The following TM9SF3 variants were observed in gnomAD, a reference collection of about 807,000 sequenced individuals.
The protein encoded by TM9SF3 is SM-11044-binding protein.
In TM9SF3, 14 loss-of-function variants were observed where a neutral mutation model predicts 78.6. The ratio of observed to expected loss-of-function variants is 0.18; its 90% CI spans 0.12 to 0.28. TM9SF3 has a LOEUF of 0.28. Among genes scored for constraint, TM9SF3 ranks in the 10% least tolerant of loss-of-function variants. The probability of loss-of-function intolerance (pLI) is 1.00; values close to 1 mark genes in which losing one functional copy is unlikely to be tolerated. For missense variants in TM9SF3, 496 were observed against 721.9 expected (o/e 0.69, Z 3.59); for synonymous variants, 231 against 241.7 (o/e 0.96, Z 0.41).
intron 14 of TM9SF3, among the ~76,000 whole-genome samples, chr10:96,523,740 T>C (rs1424748026): frequency 6.6e-6 from 1 of 151,682 alleles, no homozygotes; most frequent in Non-Finnish European, 1.5e-5. Flanking sequence ...AAATCCAGAG[T>C]CTGGAAAATT....
At position 96,531,937 on chromosome 10, in the gene TM9SF3, G is replaced by A. The variant is rs375415308; in HGVS notation, c.1325+1114C>T. ...TTAAAAAATAAACTACAGGCTGGGC[G>A]TGGTGGCTTACGCCTGTAATCCCAG... is the stretch of plus-strand genomic sequence containing the variant. On this transcript the variant is annotated intron_variant, in intron 10 of 14. Coordinates refer to ENST00000371142, the MANE Select transcript of TM9SF3 (RefSeq NM_020123.4). 2.4e-4 allele frequency among the ~76,000 whole-genome samples: 37 copies of A among 152,244 alleles called. No homozygotes were observed. The Middle Eastern group carries it at 0.02, about 84-fold the overall frequency.
intron 10 of TM9SF3, among the ~76,000 whole-genome samples, chr10:96,532,283 A>C (rs1349601885): frequency 3.9e-5 from 6 of 152,000 alleles, no homozygotes; most frequent in Non-Finnish European, 7.4e-5. Context: ...AAAGTCTCTC[A>C]TAAGCACCAA....
At chr10:96,544,312 C>A in intron 8 of TM9SF3, 106 bp from the exon 9 acceptor site, 2 of 1,064,826 alleles carry the variant, frequency 1.9e-6, no homozygotes, top group African/African-American at 1.6e-5. Flanking sequence ...TTAATAATTT[C>A]TTCAAAATAA....
At chr10:96,577,318 T>G (rs1024965602) in intron 1 of TM9SF3, among the ~76,000 whole-genome samples, 25 of 151,550 alleles carry the variant, frequency 1.6e-4, no homozygotes, top group Non-Finnish European at 4.4e-5. Context: ...ACACAGCCAC[T>G]GGTCAAAGTA....
intron 9 of TM9SF3, among the ~76,000 whole-genome samples, chr10:96,540,617 CTT>C (rs879853876): frequency 8.5e-5 from 12 of 140,440 alleles, no homozygotes; most frequent in Admixed American, 7.1e-5. Flanking sequence ...TAGAGCCATT[CTT>C]TTTTTTTTTT....
intron 1 of TM9SF3, among the ~76,000 whole-genome samples, chr10:96,578,276 C>T (rs191195168): frequency 4.0e-4 from 61 of 152,118 alleles, no homozygotes; most frequent in African/African-American, 1.3e-3. Context: ...CCAAGTATCG[C>T]GTTAGGTATT....
intron 5 of TM9SF3, among the ~76,000 whole-genome samples, chr10:96,557,509 A>G (rs544887911): frequency 2.4e-4 from 24 of 98,568 alleles, no homozygotes; most frequent in Middle Eastern, 0.012. Flanking sequence ...TTTAAAAACA[A>G]AAGTCAGATT....
chr10:96,539,521 G>A (rs571552687), intron 9 of TM9SF3, among the ~76,000 whole-genome samples: 12 of 152,220 alleles, frequency 7.9e-5, no homozygotes, highest in Admixed American at 7.9e-4. Context: ...TAAGAATAGG[G>A]GAGAGACAAA....
chr10:96,563,817 CA>C (rs1347053997), intron 3 of TM9SF3, among the ~76,000 whole-genome samples: 1 of 151,788 alleles, frequency 6.6e-6, no homozygotes, highest in Admixed American at 6.6e-5. Flanking sequence ...CACGAAAAGT[CA>C]GGTACAAAGT....
At chr10:96,539,783 A>G (rs933633763) in intron 9 of TM9SF3, among the ~76,000 whole-genome samples, 6 of 152,216 alleles carry the variant, frequency 3.9e-5, no homozygotes, top group Non-Finnish European at 7.4e-5. Context: ...GAATTAGGCT[A>G]GGATTCCTTT....
chr10:96,561,633 T>C (rs1011093776), intron 4 of TM9SF3, among the ~76,000 whole-genome samples: 4 of 152,066 alleles, frequency 2.6e-5, no homozygotes, highest in Non-Finnish European at 4.4e-5. Context: ...ATCTGCAACA[T>C]TAAAAAGGAA....
rs1217011704 is a variant in TM9SF3, at chr10:96,586,789, A to G, written c.47T>C (p.Leu16Pro). The G allele has an allele frequency of 1.6e-6, 2 of 1,284,292 alleles. No homozygotes were observed. The highest frequency in any genetic ancestry group is 2.5e-5 in the South Asian group (1 of 39,900). The allele number at this position is 1,284,292 out of a possible 1,614,324, so 79.6% of individuals were successfully genotyped here. Reference sequence around the variant, plus strand: ...GGGCAGCAGCAGCAGCAGCAGCCACAGCGCGGCGGCCGCCGCCACGCCAAG... The same window carrying G: ...GGGCAGCAGCAGCAGCAGCAGCCACGGCGCGGCGGCCGCCGCCACGCCAAG... ...GALGVAAAAALWLLLLLLPRT... is the reference protein window; with the variant it reads ...GALGVAAAAAPWLLLLLLPRT... Residue 16 changes from leucine to proline, a missense_variant, in exon 1 of 15, where the codon CTG becomes CCG. Transcript: ENST00000371142.
intron 1 of TM9SF3, among the ~76,000 whole-genome samples, chr10:96,581,022 G>C (rs1028731135): frequency 5.9e-5 from 9 of 152,126 alleles, no homozygotes; most frequent in African/African-American, 2.2e-4. Flanking sequence ...AACAGTGCCA[G>C]GTGTACAAAG....
intron 2 of TM9SF3, among the ~76,000 whole-genome samples, chr10:96,571,576 G>A (rs966235579): frequency 1.3e-5 from 2 of 152,134 alleles, no homozygotes; most frequent in African/African-American, 2.4e-5. Context: ...GGGAAATACC[G>A]CATGGTGAAG....
At chr10:96,560,904 A>T in intron 4 of TM9SF3, 1 of 521,832 alleles carries the variant, frequency 1.9e-6, no homozygotes, top group Non-Finnish European at 3.7e-6. Flanking sequence ...AAATGCAAGC[A>T]AGTATACAAA....
chr10:96,560,761 A>C lies in TM9SF3; in HGVS notation c.583-1025T>G, dbSNP rs181719124. ...TGAGATAATCCAGCCAAAAATGCAC[A>C]AAAGTCAAATCAGAATGGAAAAGAC... On this transcript the variant is annotated intron_variant, in intron 4 of 14. Transcript: ENST00000371142. 34 of 570,112 alleles carry C rather than the reference A, an allele frequency of 6.0e-5. 1 individual carries two copies. The highest frequency in any genetic ancestry group is 1.3e-4 in the East Asian group (3 of 22,862). The allele number at this position is 570,112 out of a possible 1,614,324, so 35.3% of individuals were successfully genotyped here. A position where few individuals can be genotyped will look rare whatever the true frequency, so the allele number is the denominator to read the frequency against.
At chr10:96,554,988 C>A (rs991082147) in intron 5 of TM9SF3, among the ~76,000 whole-genome samples, 1 of 151,784 alleles carries the variant, frequency 6.6e-6, no homozygotes, top group Admixed American at 6.6e-5. Flanking sequence ...CATGCCATCA[C>A]CTCATACCTT....
At chr10:96,566,665 T>A (rs537282257) in intron 2 of TM9SF3, among the ~76,000 whole-genome samples, 1 of 152,086 alleles carries the variant, frequency 6.6e-6, no homozygotes, top group Non-Finnish European at 1.5e-5. Flanking sequence ...GTAAGGAATT[T>A]AGGATTTTCA....
intron 11 of TM9SF3, 84 bp downstream of exon 11, chr10:96,530,456 T>C: frequency 8.9e-7 from 1 of 1,120,310 alleles, no homozygotes; most frequent in Non-Finnish European, 1.3e-6. Context: ...TTCTCCCAAC[T>C]GATAACTTTA....
Sources: allele counts gnomAD v4.1 joint callset (sites outside exome capture counted in the v4.1 genomes callset), GRCh38; gene constraint gnomAD v4.1.1; transcripts MANE v1.5; gene names NCBI Gene and HGNC (gene_info 2026-07-23, HGNC 2026-07-21).